Variants in ANAPC5 observed in about 807,000 individuals in gnomAD.
ANAPC5 encodes the protein anaphase promoting complex subunit 5.
A neutral mutation model predicts 91.3 loss-of-function variants in ANAPC5; 60 were observed. That is an observed-to-expected ratio of 0.66 (90% CI 0.53 to 0.81). ANAPC5 has a LOEUF of 0.81. ANAPC5 is among the 40% of genes least tolerant of loss of function. The pLI is 0.00. For synonymous variants in ANAPC5, 340 were observed against 364.1 expected, an observed-to-expected ratio of 0.93 and a Z score of 0.75; for missense variants, 690 against 931.5, an observed-to-expected ratio of 0.74 and a Z score of 3.37.
At position 121,325,483 on chromosome 12, in the gene ANAPC5, AAAAT is replaced by A. The variant is rs1447940648; in HGVS notation, c.1440+1609_1440+1612del. On this transcript the variant is annotated intron_variant, in intron 11 of 16. Transcript: ENST00000261819. ...CTCTCAAAAAAATAAAATTAAATTA[AAAAT>A]AAATTAAAAATTAAAAATTAAAAAA... 1.2e-4 allele frequency among the ~76,000 whole-genome samples: 12 copies of A among 101,970 alleles called. No homozygotes were observed. In the Admixed American group the frequency reaches 1.4e-3, roughly 12 times the overall value. 66.9% of individuals were successfully genotyped at this position (101,970 alleles called of 152,430 possible).
chr12:121,348,549 C>T (rs143981188), intron 1 of ANAPC5, among the ~76,000 whole-genome samples: 3,323 of 152,230 alleles, frequency 0.022, 77 homozygotes, highest in South Asian at 0.12. Flanking sequence ...CCTGTAGTCC[C>T]AGCTACTTGG....
chr12:121,309,723 G>A lies in ANAPC5; in HGVS notation c.2034C>T (p.Tyr678=), dbSNP rs763911589. The change falls in exon 16 of 17, where the codon TAC becomes TAT. Residue 678 remains tyrosine (Y), a synonymous_variant. Transcript: ENST00000261819. The part of the protein sequence containing the change: ...AKCQVASAAS[Y]DQPKKAEALE... ...TACCTTCTGCTTTCTTCGGCTGATC[G>A]TAGGAAGCTGCTGAAGCCACCTGGC... is the stretch of plus-strand genomic sequence containing the variant. The A allele has an allele frequency of 1.5e-5, 25 of 1,613,820 alleles. No homozygotes were observed. Among genetic ancestry groups the A allele is most frequent in the Middle Eastern group, 1.6e-4 (1 of 6,082 alleles).
intron 15 of ANAPC5, among the ~76,000 whole-genome samples, chr12:121,317,015 T>C (rs1219287732): frequency 6.6e-6 from 1 of 152,134 alleles, no homozygotes; most frequent in African/African-American, 2.4e-5. Flanking sequence ...TGAGTCCAGT[T>C]ATGCAAACTG....
chr12:121,347,699 G>A, intron 2 of ANAPC5, 103 bp downstream of exon 2: 1 of 865,912 alleles, frequency 1.2e-6, no homozygotes, highest in Non-Finnish European at 1.8e-6. Context: ...ACAACCTAGG[G>A]TAATAAAGGT....
In ANAPC5 at chr12:121,309,829, A is replaced by C. The variant is rs1193086112; in HGVS notation, c.1928T>G (p.Leu643Arg). The C allele has an allele frequency of 1.9e-6, 3 of 1,614,122 alleles. No individual in the cohort carries two copies. In the Admixed American group the frequency reaches 5.0e-5, roughly 27 times the overall value. ...ILGIPEQALS[L>R]LHMAIEPILA... Reference sequence around the variant, plus strand: ...GATGGGCTCGATGGCCATGTGGAGAAGACTTAAGGCCTGTTCTGGGATTCC... The same window carrying C: ...GATGGGCTCGATGGCCATGTGGAGACGACTTAAGGCCTGTTCTGGGATTCC... The change falls in exon 16 of 17, where the codon CTT becomes CGT. Residue 643 changes from leucine (L) to arginine (R), a missense_variant. Physicochemically the swap from Leu to Arg is moderately radical, Grantham distance 102. This residue lies in a region of ANAPC5 where 317 missense variants were observed against 438.7 expected (regional missense o/e 0.72). Coordinates refer to ENST00000261819, the MANE Select transcript of ANAPC5 (RefSeq NM_016237.5).
chr12:121,325,067 G>A (rs1352992689), intron 11 of ANAPC5, among the ~76,000 whole-genome samples: 1 of 152,156 alleles, frequency 6.6e-6, no homozygotes, highest in Non-Finnish European at 1.5e-5. Flanking sequence ...AGGAGGCTGA[G>A]GTGGGAGGAT....
At chr12:121,339,868 GTTT>G (rs71079054) in intron 5 of ANAPC5, among the ~76,000 whole-genome samples, 5 of 104,540 alleles carry the variant, frequency 4.8e-5, no homozygotes, top group African/African-American at 1.5e-4. Flanking sequence ...TTTTCTTCCA[GTTT>G]TTTTTTTTTT....
intron 9 of ANAPC5, 27 bp downstream of exon 9, chr12:121,330,556 A>G: frequency 6.3e-7 from 1 of 1,596,844 alleles, no homozygotes; most frequent in Middle Eastern, 1.7e-4. Context: ...ATTTATGGAA[A>G]CAATCTCACA....
chr12:121,331,532 G>T, intron 7 of ANAPC5, 104 bp from the exon 8 acceptor site: 1 of 922,880 alleles, frequency 1.1e-6, no homozygotes, highest in Non-Finnish European at 1.6e-6. Flanking sequence ...GCAGGTCTCT[G>T]GGTTGGAAGC....
chr12:121,326,691 T>A (rs1222460559), intron 11 of ANAPC5: 1 of 156,166 alleles, frequency 6.4e-6, no homozygotes, highest in Non-Finnish European at 1.4e-5. Flanking sequence ...GTGGATTCTA[T>A]GAGACAGTAC....
chr12:121,314,262 G>A (rs146915919), intron 15 of ANAPC5, among the ~76,000 whole-genome samples: 64 of 152,230 alleles, frequency 4.2e-4, no homozygotes, highest in African/African-American at 1.5e-3. Context: ...ACTTGGGCAT[G>A]GTGGTGCACA....
At chr12:121,345,036 T>C (rs1464160711) in intron 4 of ANAPC5, among the ~76,000 whole-genome samples, 4 of 151,938 alleles carry the variant, frequency 2.6e-5, no homozygotes, top group African/African-American at 4.8e-5. Flanking sequence ...ATTTGGTGAG[T>C]AGATTTGGTA....
In ANAPC5 at chr12:121,308,403, C is replaced by T; in HGVS notation, c.*77G>A. On this transcript the variant is annotated 3_prime_UTR_variant, in exon 17 of 17. Transcript: ENST00000261819. ...ACAAGATAGGGTGTCACAAATACAT[C>T]ATTTATAGGGAGAGAGGGGACATGA... 2 of 1,184,696 alleles carry T rather than the reference C, an allele frequency of 1.7e-6. No homozygotes were observed. The highest frequency in any genetic ancestry group is 2.4e-5 in the East Asian group (1 of 41,950). The allele number at this position is 1,184,696 out of a possible 1,614,324, so 73.4% of individuals were successfully genotyped here.
chr12:121,347,305 G>C, intron 2 of ANAPC5: 1 of 345,468 alleles, frequency 2.9e-6, no homozygotes, highest in South Asian at 4.0e-5. Flanking sequence ...AAAATTTGGG[G>C]AAAAAAGCTA....
At chr12:121,332,574 C>G (rs1426257697) in intron 7 of ANAPC5, 1 of 61,606 alleles carries the variant, frequency 1.6e-5, no homozygotes, top group African/African-American at 3.3e-5. Flanking sequence ...AGCTCTATAA[C>G]AAGTTTTTTT....
chr12:121,314,211 C>T (rs1902266824), intron 15 of ANAPC5, among the ~76,000 whole-genome samples: 1 of 152,116 alleles, frequency 6.6e-6, no homozygotes, highest in Non-Finnish European at 1.5e-5. Context: ...ACCAGCCTGA[C>T]CAACATGGCA....
intron 5 of ANAPC5, among the ~76,000 whole-genome samples, chr12:121,340,854 C>T (rs1903430858): frequency 1.3e-5 from 2 of 152,028 alleles, no homozygotes; most frequent in East Asian, 1.9e-4. Flanking sequence ...GCCACCATGC[C>T]CAGCCTCCAT....
chr12:121,349,062 C>T (rs897110889), intron 1 of ANAPC5, among the ~76,000 whole-genome samples: 13 of 152,296 alleles, frequency 8.5e-5, no homozygotes, highest in African/African-American at 2.6e-4. Context: ...GTCAGGAGTT[C>T]GAGACCAGCC....
In ANAPC5 at chr12:121,320,474, C is replaced by G. The variant is rs756826058; in HGVS notation, c.1441-15G>C. The G allele has an allele frequency of 6.2e-7, 1 of 1,612,482 alleles. No homozygotes were observed. The highest frequency in any genetic ancestry group is 1.1e-5 in the South Asian group (1 of 90,978). ...GCAAAACAGCCCTAAAGTAGAAACA[C>G]ACAATTTGATCAGCATAACCTGTGT... On this transcript the variant is annotated splice_polypyrimidine_tract_variant and intron_variant, in intron 11 of 16. Coordinates refer to ENST00000261819, the MANE Select transcript of ANAPC5 (RefSeq NM_016237.5).
Sources: gnomAD v4.1 joint callset for allele counts (sites outside exome capture counted in the v4.1 genomes callset) on GRCh38, gnomAD v4.1.1 for gene constraint, gnomAD v4.1.1 regional missense constraint, MANE v1.5 for transcripts, NCBI Gene and HGNC (gene_info 2026-07-23, HGNC 2026-07-21) for gene names.